Variants in GALNT13 observed in about 807,000 individuals in gnomAD.
GALNT13 encodes polypeptide N-acetylgalactosaminyltransferase 13.
Under a neutral mutation model 64.2 loss-of-function variants are expected in GALNT13, and 28 were observed. The ratio of observed to expected loss-of-function variants is 0.44; its 90% CI spans 0.32 to 0.60. GALNT13 has a LOEUF of 0.60. Ranked by LOEUF, GALNT13 falls within the 20% of genes least tolerant of loss-of-function variation. The pLI is 0.05. For missense variants in GALNT13, 577 were observed against 669.8 expected (o/e 0.86, Z 1.53); for synonymous variants, 214 against 224.6 (o/e 0.95, Z 0.42).
chr2:154,354,594 T>G (rs71417301), intron 9 of GALNT13, among the ~76,000 whole-genome samples: 1 of 147,390 alleles, frequency 6.8e-6, no homozygotes, highest in Non-Finnish European at 1.5e-5. Flanking sequence ...TTCTGGATGG[T>G]GTGAAATGGT....
chr2:153,175,163 C>T, the GALNT13 span, among the ~76,000 whole-genome samples: 3 of 152,238 alleles, frequency 2.0e-5, no homozygotes, highest in East Asian at 1.9e-4. Context: ...ATGTGTTCAC[C>T]TAATCCTGAG....
At chr2:153,718,783 C>T in the GALNT13 span, among the ~76,000 whole-genome samples, 1 of 152,112 alleles carries the variant, frequency 6.6e-6, no homozygotes, top group Non-Finnish European at 1.5e-5. Flanking sequence ...TTCTGCTGAC[C>T]TCACAGTGTT....
chr2:153,845,751 C>G, the GALNT13 span, among the ~76,000 whole-genome samples: 2 of 151,350 alleles, frequency 1.3e-5, no homozygotes. Context: ...CATCAAACCA[C>G]AAATTTACGA....
the GALNT13 span, among the ~76,000 whole-genome samples, chr2:153,259,350 C>G: frequency 5.3e-5 from 8 of 151,444 alleles, no homozygotes; most frequent in Non-Finnish European, 1.0e-4. Flanking sequence ...AAGAACAGAT[C>G]ATTAGGTCTT....
chr2:153,723,071 C>T, the GALNT13 span, among the ~76,000 whole-genome samples: 8 of 150,312 alleles, frequency 5.3e-5, no homozygotes, highest in East Asian at 2.0e-4. Context: ...ACTGGCAAAC[C>T]GAATCCAGCA....
intron 7 of GALNT13, among the ~76,000 whole-genome samples, chr2:154,250,181 G>T (rs1160983439): frequency 6.6e-6 from 1 of 151,968 alleles, no homozygotes; most frequent in Non-Finnish European, 1.5e-5. Context: ...TATGAATTAG[G>T]TTTTAAATTT....
chr2:153,182,836 C>A, the GALNT13 span, among the ~76,000 whole-genome samples: 4 of 152,238 alleles, frequency 2.6e-5, no homozygotes, highest in South Asian at 8.3e-4. Context: ...TGTATATGTA[C>A]CATGTTTACT....
chr2:153,203,874 T>TACAC, the GALNT13 span, among the ~76,000 whole-genome samples: 168 of 150,996 alleles, frequency 1.1e-3, no homozygotes, highest in Middle Eastern at 3.4e-3. Context: ...GTAGCGTGTC[T>TACAC]ACACACACAC....
chr2:153,701,662 A>G, the GALNT13 span, among the ~76,000 whole-genome samples: 3 of 152,338 alleles, frequency 2.0e-5, no homozygotes, highest in East Asian at 3.9e-4. Flanking sequence ...CCCATCGAAA[A>G]ATGGGCAAAG....
intron 2 of GALNT13, among the ~76,000 whole-genome samples, chr2:153,927,254 A>T (rs201084710): frequency 6.6e-6 from 1 of 152,054 alleles, no homozygotes; most frequent in Admixed American, 6.6e-5. Context: ...CTAAAATATA[A>T]TTTTGTTACA....
the GALNT13 span, among the ~76,000 whole-genome samples, chr2:153,750,868 T>C: frequency 1.3e-5 from 2 of 151,878 alleles, no homozygotes; most frequent in Non-Finnish European, 2.9e-5. Context: ...TTTGGTTTGC[T>C]CTTGCTTTTA....
At position 154,301,527 on chromosome 2, in the gene GALNT13, A is replaced by G. The variant is rs1693441110; in HGVS notation, c.1094A>G (p.Asn365Ser). 1 of 1,613,578 alleles carries G rather than the reference A, an allele frequency of 6.2e-7. No homozygotes were observed. Among genetic ancestry groups the G allele is most frequent in the African/African-American group, 1.3e-5 (1 of 75,030 alleles). Residue 365 changes from asparagine (N) to serine (S), a missense_variant, in exon 9 of 13, where the codon AAC becomes AGC. Around this residue, in one of 3 missense-constraint regions of GALNT13, gnomAD observed 232 missense variants for 270.6 expected, o/e 0.86. Transcript: ENST00000392825. Reference protein sequence around the residue: ...GGTGHVINKNNRRLAEVWMDE... With the variant: ...GGTGHVINKNSRRLAEVWMDE... ...ACTGGTCATGTCATCAACAAGAACAACAGGAGACTGGCAGAAGTTTGGATG... is the reference window on the plus strand; with the variant it reads ...ACTGGTCATGTCATCAACAAGAACAGCAGGAGACTGGCAGAAGTTTGGATG...
chr2:153,663,072 G>A, the GALNT13 span, among the ~76,000 whole-genome samples: 1 of 152,112 alleles, frequency 6.6e-6, no homozygotes, highest in Non-Finnish European at 1.5e-5. Flanking sequence ...AACAAGGATG[G>A]GAAGAAGAAA....
chr2:153,257,780 T>C, the GALNT13 span, among the ~76,000 whole-genome samples: 4 of 152,202 alleles, frequency 2.6e-5, no homozygotes, highest in African/African-American at 9.6e-5. Flanking sequence ...AATATAGTTA[T>C]TTGTACAAGT....
chr2:153,750,082 G>T, the GALNT13 span, among the ~76,000 whole-genome samples: 3 of 151,730 alleles, frequency 2.0e-5, no homozygotes, highest in Non-Finnish European at 4.4e-5. Context: ...TCAATGAAAG[G>T]ATCATATGAT....
At chr2:154,322,159 T>G in intron 9 of GALNT13, among the ~76,000 whole-genome samples, 1 of 144,592 alleles carries the variant, frequency 6.9e-6, no homozygotes, top group Non-Finnish European at 1.5e-5. Context: ...TTTTTTTTTT[T>G]TTTTTTTTTT....
the GALNT13 span, among the ~76,000 whole-genome samples, chr2:153,684,261 G>A: frequency 2.0e-5 from 3 of 151,522 alleles, no homozygotes; most frequent in Non-Finnish European, 4.4e-5. Flanking sequence ...TTTTCTTTAT[G>A]TTATTTCCAT....
intron 9 of GALNT13, among the ~76,000 whole-genome samples, chr2:154,307,811 G>A (rs1693822714): frequency 6.6e-6 from 1 of 152,142 alleles, no homozygotes; most frequent in African/African-American, 2.4e-5. Flanking sequence ...GTGAAGTTAT[G>A]TAAGCAAAAA....
At chr2:153,988,806 TTTATA>T (rs907935265) in intron 3 of GALNT13, among the ~76,000 whole-genome samples, 1 of 151,966 alleles carries the variant, frequency 6.6e-6, no homozygotes, top group Non-Finnish European at 1.5e-5. Context: ...GGAGTATTTA[TTTATA>T]TTAAGTTCAG....
Sources: gnomAD v4.1 joint callset for allele counts (sites outside exome capture counted in the v4.1 genomes callset) on GRCh38, gnomAD v4.1.1 for gene constraint, gnomAD v4.1.1 regional missense constraint, MANE v1.5 for transcripts, NCBI Gene and HGNC (gene_info 2026-07-23, HGNC 2026-07-21) for gene names.